IQGAP2: variants seen among roughly 807,000 people sequenced by gnomAD.
The protein encoded by IQGAP2 is ras GTPase-activating-like protein IQGAP2.
In IQGAP2, 173 loss-of-function variants were observed where a neutral mutation model predicts 201.3. The observed-to-expected ratio is 0.86, with a 90% CI of 0.76 to 0.98. The LOEUF (loss-of-function observed/expected upper bound fraction) is 0.98. Among genes scored for constraint, IQGAP2 ranks in the 50% least tolerant of loss-of-function variants. The pLI is 0.00. For missense variants in IQGAP2, 1,687 were observed against 1,864.8 expected, an observed-to-expected ratio of 0.90 and a Z score of 1.76; for synonymous variants, 675 against 673.9, an observed-to-expected ratio of 1.00 and a Z score of -0.03.
intron 5 of IQGAP2, among the ~76,000 whole-genome samples, chr5:76,578,013 A>C (rs1745584933): frequency 1.3e-5 from 2 of 152,182 alleles, no homozygotes; most frequent in African/African-American, 4.8e-5. Flanking sequence ...TGATCTAAAA[A>C]GTTAGCTCTT....
chr5:76,503,324 C>A (rs1205017921), intron 2 of IQGAP2, among the ~76,000 whole-genome samples: 1 of 151,556 alleles, frequency 6.6e-6, no homozygotes, highest in Non-Finnish European at 1.5e-5. Context: ...CAGGTGCCTG[C>A]CATCACACCT....
chr5:76,639,589 G>T (rs3797418), intron 16 of IQGAP2, among the ~76,000 whole-genome samples: 30,893 of 152,098 alleles, frequency 0.2, 4,089 homozygotes, highest in Non-Finnish European at 0.29. Context: ...AGGAAATACT[G>T]ATGATAATTA....
chr5:76,683,078 CT>C (rs1745441248), intron 28 of IQGAP2, 36 bp from the exon 29 acceptor site: 26 of 1,334,306 alleles, frequency 1.9e-5, no homozygotes, highest in Non-Finnish European at 2.7e-5. Context: ...TGAGAATTTA[CT>C]TTTTTCTTTG....
intron 2 of IQGAP2, among the ~76,000 whole-genome samples, chr5:76,554,695 T>G (rs771013939): frequency 4.1e-4 from 63 of 152,136 alleles, no homozygotes; most frequent in Non-Finnish European, 6.3e-4. Context: ...GAAATCCTCA[T>G]ACACTGCTGG....
intron 18 of IQGAP2, 90 bp from the exon 19 acceptor site, chr5:76,654,110 A>G (rs1752721483): frequency 1.2e-6 from 1 of 825,496 alleles, no homozygotes; most frequent in Non-Finnish European, 1.9e-6. Flanking sequence ...TAGAAAAACT[A>G]CACAAAACCG....
chr5:76,456,186 C>T (rs1297206766), intron 1 of IQGAP2, among the ~76,000 whole-genome samples: 2 of 152,080 alleles, frequency 1.3e-5, no homozygotes, highest in Admixed American at 6.6e-5. Context: ...GGATGAGACT[C>T]GAGGGCCTGT....
At chr5:76,517,697 T>A (rs373268182) in intron 2 of IQGAP2, among the ~76,000 whole-genome samples, 2 of 151,838 alleles carry the variant, frequency 1.3e-5, no homozygotes, top group African/African-American at 4.8e-5. Flanking sequence ...AGTTGGGAAT[T>A]GGGAAGAGAG....
At chr5:76,678,923 T>C (rs1745057783) in intron 28 of IQGAP2, among the ~76,000 whole-genome samples, 1 of 152,176 alleles carries the variant, frequency 6.6e-6, no homozygotes, top group South Asian at 2.1e-4. Context: ...TCCCTGACAT[T>C]TACATCAAGC....
chr5:76,664,992 T>C (rs1743618604), intron 21 of IQGAP2, 34 bp from the exon 22 acceptor site: 1 of 1,183,574 alleles, frequency 8.4e-7, no homozygotes, highest in Admixed American at 2.0e-5. Flanking sequence ...AGTATGAGAA[T>C]TAAAAAGGAG....
chr5:76,552,924 T>C (rs1743662676), intron 2 of IQGAP2, among the ~76,000 whole-genome samples: 1 of 152,228 alleles, frequency 6.6e-6, no homozygotes, highest in Non-Finnish European at 1.5e-5. Context: ...GCCTGTGTTT[T>C]AAGGAAAATA....
chr5:76,562,373 TA>T, intron 2 of IQGAP2, 22 bp from the exon 3 acceptor site: 1 of 1,565,846 alleles, frequency 6.4e-7, no homozygotes, highest in Non-Finnish European at 8.7e-7. Context: ...ATCACTTTAA[TA>T]TTTTTTTTTT....
intron 13 of IQGAP2, among the ~76,000 whole-genome samples, chr5:76,623,714 A>G (rs1282917102): frequency 6.6e-6 from 1 of 152,224 alleles, no homozygotes; most frequent in Non-Finnish European, 1.5e-5. Context: ...CCTTTCCTTT[A>G]TCTTCCCAGC....
chr5:76,562,334 C>G (rs557245686), intron 2 of IQGAP2, 62 bp from the exon 3 acceptor site: 1 of 1,254,514 alleles, frequency 8.0e-7, no homozygotes, highest in Non-Finnish European at 1.1e-6. Context: ...TGCTGCATGC[C>G]TTCATTTGCA....
Position 76,597,570 on chromosome 5 carries a change from GA to G in IQGAP2, c.1041del (p.Glu347AspfsTer11). On this transcript the variant is annotated frameshift_variant, in exon 10 of 36. Transcript: ENST00000274364. LOFTEE classifies it high-confidence loss of function. ...YPFAAAMYQN[E>X]LFNLQKQNTM... Reference sequence around the variant, plus strand: ...CTTTGCTGCTGCCATGTATCAGAACGAACTTTTCAACCTCCAGAAACAGAAC... The same window carrying G: ...CTTTGCTGCTGCCATGTATCAGAACGACTTTTCAACCTCCAGAAACAGAAC... 3 of 1,613,896 alleles carry G rather than the reference GA, an allele frequency of 1.9e-6. No homozygotes were observed. The highest frequency in any genetic ancestry group is 2.5e-6 in the Non-Finnish European group (3 of 1,179,970).
At chr5:76,548,039 T>C (rs1455791149) in intron 2 of IQGAP2, among the ~76,000 whole-genome samples, 2 of 152,200 alleles carry the variant, frequency 1.3e-5, no homozygotes, top group Admixed American at 6.5e-5. Flanking sequence ...TTAATTTCAT[T>C]TTGTTAACAA....
intron 14 of IQGAP2, among the ~76,000 whole-genome samples, chr5:76,627,875 T>C (rs1409225938): frequency 2.6e-5 from 4 of 152,170 alleles, no homozygotes; most frequent in African/African-American, 7.2e-5. Flanking sequence ...ACAGAACCAA[T>C]AGGAGACCTA....
At chr5:76,650,675 A>T (rs1410139166) in intron 17 of IQGAP2, among the ~76,000 whole-genome samples, 2 of 152,322 alleles carry the variant, frequency 1.3e-5, no homozygotes, top group East Asian at 1.9e-4. Flanking sequence ...CACAACGTGC[A>T]GGTTTGTTAC....
At chr5:76,509,984 C>CTTTTTT (rs11331690) in intron 2 of IQGAP2, among the ~76,000 whole-genome samples, 3 of 138,046 alleles carry the variant, frequency 2.2e-5, no homozygotes, top group African/African-American at 2.7e-5. Flanking sequence ...AATTTTCTTT[C>CTTTTTT]TTTTTTTTTT....
At chr5:76,441,608 C>A in intron 1 of IQGAP2, 1 of 694,410 alleles carries the variant, frequency 1.4e-6, no homozygotes, top group Non-Finnish European at 1.8e-6. Context: ...CTGATTTTCA[C>A]TTCTGGTTCT....
Sources: allele counts gnomAD v4.1 joint callset (sites outside exome capture counted in the v4.1 genomes callset), GRCh38; gene constraint gnomAD v4.1.1; transcripts MANE v1.5; gene names NCBI Gene and HGNC (gene_info 2026-07-23, HGNC 2026-07-21).